The following PTPRD variants were observed in gnomAD, a reference collection of about 807,000 sequenced individuals.
PTPRD encodes the protein protein tyrosine phosphatase receptor type D.
A neutral mutation model predicts 214.5 loss-of-function variants in PTPRD; 34 were observed. The ratio of observed to expected loss-of-function variants is 0.16; its 90% CI spans 0.12 to 0.21. The LOEUF (loss-of-function observed/expected upper bound fraction) is 0.21. Ranked by LOEUF, PTPRD falls within the 10% of genes least tolerant of loss-of-function variation. The pLI, the probability that PTPRD is intolerant of heterozygous loss-of-function variation, is 1.00. For missense variants in PTPRD, 2,545 were observed against 2,398.7 expected (o/e 1.06, Z -1.27); for synonymous variants, 1,128 against 845.7 (o/e 1.33, Z -5.79).
intron 4 of PTPRD, among the ~76,000 whole-genome samples, chr9:10,019,320 C>G (rs144200916): frequency 0.025 from 3,814 of 152,220 alleles, 154 homozygotes; most frequent in African/African-American, 0.085. Flanking sequence ...CACTTTTACA[C>G]TGTTGGTGGG....
intron 9 of PTPRD, among the ~76,000 whole-genome samples, chr9:9,245,466 G>A (rs989322074): frequency 6.6e-6 from 1 of 152,082 alleles, no homozygotes; most frequent in Admixed American, 6.6e-5. Flanking sequence ...CGTGTCCTTT[G>A]TAGGGACATG....
intron 11 of PTPRD, among the ~76,000 whole-genome samples, chr9:8,838,691 G>A (rs907460190): frequency 3.3e-5 from 5 of 151,574 alleles, no homozygotes; most frequent in African/African-American, 1.2e-4. Context: ...ACTTTCTTCT[G>A]GCAAAAGAGT....
At chr9:9,908,026 GATT>G (rs1408577999) in intron 5 of PTPRD, among the ~76,000 whole-genome samples, 11 of 151,402 alleles carry the variant, frequency 7.3e-5, no homozygotes, top group Non-Finnish European at 1.6e-4. Context: ...TATACAGTGA[GATT>G]ATAATATGAG....
chr9:9,401,639 C>T (rs1190977109), intron 8 of PTPRD, among the ~76,000 whole-genome samples: 2 of 151,214 alleles, frequency 1.3e-5, no homozygotes, highest in African/African-American at 4.9e-5. Flanking sequence ...AATAACTCTT[C>T]CTCCAGTCAT....
chr9:10,518,821 C>T (rs1039575344), intron 2 of PTPRD, among the ~76,000 whole-genome samples: 36 of 151,820 alleles, frequency 2.4e-4, no homozygotes, highest in African/African-American at 7.2e-4. Flanking sequence ...CGTGAGCCAC[C>T]GCGCTCAGCC....
chr9:9,416,128 C>T (rs763157813), intron 8 of PTPRD, among the ~76,000 whole-genome samples: 4 of 152,164 alleles, frequency 2.6e-5, no homozygotes, highest in South Asian at 2.1e-4. Context: ...GGCATTGCTT[C>T]TGTCCTACTT....
intron 2 of PTPRD, among the ~76,000 whole-genome samples, chr9:10,403,786 C>T (rs1164567216): frequency 1.3e-5 from 2 of 151,642 alleles, no homozygotes; most frequent in South Asian, 2.1e-4. Context: ...TATGACATTC[C>T]GGAAAAGGCG....
chr9:10,448,055 A>G (rs2098811704), intron 2 of PTPRD, among the ~76,000 whole-genome samples: 1 of 151,940 alleles, frequency 6.6e-6, no homozygotes, highest in African/African-American at 2.4e-5. Context: ...AAGTATCTCT[A>G]TTTTTTAGTT....
intron 29 of PTPRD, among the ~76,000 whole-genome samples, chr9:8,484,619 T>A (rs1046602026): frequency 1.3e-5 from 2 of 151,122 alleles, no homozygotes; most frequent in Non-Finnish European, 1.5e-5. Flanking sequence ...GATATATACA[T>A]ATATATATAT....
chr9:9,064,672 G>A (rs907041735), intron 10 of PTPRD, among the ~76,000 whole-genome samples: 1 of 152,170 alleles, frequency 6.6e-6, no homozygotes, highest in Admixed American at 6.5e-5. Context: ...ACTGAATACT[G>A]TTAGGCCAAT....
chr9:8,799,413 G>C (rs2096525615), intron 11 of PTPRD, among the ~76,000 whole-genome samples: 1 of 152,224 alleles, frequency 6.6e-6, no homozygotes, highest in Non-Finnish European at 1.5e-5. Flanking sequence ...TTCCCTGCTG[G>C]AAGAGACCTG....
intron 10 of PTPRD, among the ~76,000 whole-genome samples, chr9:9,132,256 G>A (rs535183305): frequency 3.3e-5 from 5 of 152,220 alleles, no homozygotes; most frequent in South Asian, 2.1e-4. Context: ...TGATCCGCCC[G>A]CTTCGGCCTC....
chr9:9,592,377 T>C (rs1428823557), intron 7 of PTPRD, among the ~76,000 whole-genome samples: 1 of 152,038 alleles, frequency 6.6e-6, no homozygotes, highest in Non-Finnish European at 1.5e-5. Flanking sequence ...CACACTGTCG[T>C]TGTGTTTCTT....
intron 3 of PTPRD, among the ~76,000 whole-genome samples, chr9:10,233,970 G>C (rs2154358259): frequency 6.6e-6 from 1 of 151,758 alleles, no homozygotes; most frequent in South Asian, 2.1e-4. Context: ...TAACCACCCA[G>C]AATGAAAGCA....
intron 14 of PTPRD, among the ~76,000 whole-genome samples, chr9:8,578,542 G>A (rs1434181041): frequency 3.9e-5 from 6 of 152,168 alleles, no homozygotes; most frequent in Non-Finnish European, 8.8e-5. Context: ...ACAACAAAAT[G>A]CTCTACCTAT....
chr9:9,885,393 C>T (rs1600883631), intron 5 of PTPRD, among the ~76,000 whole-genome samples: 1 of 152,122 alleles, frequency 6.6e-6, no homozygotes. Context: ...AAAAGTTCCA[C>T]TGAGAATTTC....
intron 9 of PTPRD, among the ~76,000 whole-genome samples, chr9:9,319,173 C>T (rs907574897): frequency 6.6e-6 from 1 of 152,156 alleles, no homozygotes; most frequent in African/African-American, 2.4e-5. Context: ...ATGACTCACC[C>T]TTGAAAACAG....
intron 11 of PTPRD, among the ~76,000 whole-genome samples, chr9:8,818,444 G>A (rs1397123476): frequency 6.6e-6 from 1 of 152,146 alleles, no homozygotes; most frequent in Non-Finnish European, 1.5e-5. Context: ...AACACTTACA[G>A]GCCAGGTAGT....
intron 9 of PTPRD, among the ~76,000 whole-genome samples, chr9:9,251,436 A>C (rs182637722): frequency 1.3e-5 from 2 of 152,068 alleles, no homozygotes; most frequent in Non-Finnish European, 2.9e-5. Flanking sequence ...GCCTTTGTAC[A>C]TGCTTTTTCC....
Sources: allele counts gnomAD v4.1 joint callset (sites outside exome capture counted in the v4.1 genomes callset), GRCh38; gene constraint gnomAD v4.1.1; transcripts MANE v1.5; gene names NCBI Gene and HGNC (gene_info 2026-07-23, HGNC 2026-07-21).